INPP4B: variants seen among roughly 807,000 people sequenced by gnomAD.
INPP4B encodes the protein inositol polyphosphate-4-phosphatase type II B.
A neutral mutation model predicts 122.5 loss-of-function variants in INPP4B; 55 were observed. That is an observed-to-expected ratio of 0.45 (90% CI 0.36 to 0.56). The LOEUF (loss-of-function observed/expected upper bound fraction) is 0.56, where lower values mean the gene tolerates loss of function less well. Ranked by LOEUF, INPP4B falls within the 20% of genes least tolerant of loss-of-function variation. The pLI is 0.00. For synonymous variants in INPP4B, 403 were observed against 388.7 expected, an observed-to-expected ratio of 1.04 and a Z score of -0.43; for missense variants, 1,000 against 1,097.7, an observed-to-expected ratio of 0.91 and a Z score of 1.26.
chr4:142,384,976 C>T (rs1795467384), intron 7 of INPP4B, among the ~76,000 whole-genome samples: 1 of 152,128 alleles, frequency 6.6e-6, no homozygotes, highest in Admixed American at 6.6e-5. Flanking sequence ...TTCCATGATG[C>T]ATATGTACCT....
In INPP4B at chr4:142,725,894, T is replaced by C; in HGVS notation, c.-246A>G. 1 of 398,014 alleles carries C rather than the reference T, an allele frequency of 2.5e-6. No homozygotes were observed. The highest frequency in any genetic ancestry group is 4.4e-6 in the Non-Finnish European group (1 of 225,668). 24.7% of individuals were successfully genotyped at this position (398,014 alleles called of 1,614,324 possible). A position where few individuals can be genotyped will look rare whatever the true frequency, so the allele number is the denominator to read the frequency against. On this transcript the variant is annotated 5_prime_UTR_variant, in exon 2 of 26. Transcript: ENST00000262992. ...ACCTCTTGCCAGGTAACACCATTTC[T>C]TTGTATTCTACGGGAAAAGAGAAAG...
chr4:142,061,909 TA>T (rs1560980253), intron 25 of INPP4B, among the ~76,000 whole-genome samples: 5 of 3,766 alleles, frequency 1.3e-3, no homozygotes, highest in East Asian at 0.013. Context: ...TATATATATA[TA>T]TATATATATA....
chr4:142,634,772 C>G (rs1248707409), intron 2 of INPP4B, among the ~76,000 whole-genome samples: 1 of 151,944 alleles, frequency 6.6e-6, no homozygotes, highest in Non-Finnish European at 1.5e-5. Context: ...AATACAACCA[C>G]TATTACCATT....
chr4:142,676,421 T>C (rs1407195079), intron 2 of INPP4B, among the ~76,000 whole-genome samples: 1 of 152,138 alleles, frequency 6.6e-6, no homozygotes, highest in Non-Finnish European at 1.5e-5. Context: ...CTGCCCAAAG[T>C]AATTTATAGA....
chr4:142,030,124 A>T (rs1386453115), intron 25 of INPP4B: 1 of 1,529,676 alleles, frequency 6.5e-7, no homozygotes, highest in Non-Finnish European at 8.8e-7. Flanking sequence ...ATACAACATA[A>T]AACTTATTGG....
intron 2 of INPP4B, among the ~76,000 whole-genome samples, chr4:142,580,649 T>C (rs939050958): frequency 3.3e-5 from 5 of 152,026 alleles, no homozygotes; most frequent in Non-Finnish European, 7.4e-5. Context: ...AGACAAAATA[T>C]GTATTGAAAA....
At chr4:142,132,339 C>A (rs1193751807) in intron 18 of INPP4B, among the ~76,000 whole-genome samples, 1 of 151,948 alleles carries the variant, frequency 6.6e-6, no homozygotes, top group Non-Finnish European at 1.5e-5. Flanking sequence ...TGGAGCCAGA[C>A]CACCAGGGTT....
chr4:142,638,844 C>T (rs1007707484), intron 2 of INPP4B, among the ~76,000 whole-genome samples: 1 of 152,140 alleles, frequency 6.6e-6, no homozygotes, highest in Non-Finnish European at 1.5e-5. Flanking sequence ...CCATGCCCGG[C>T]CTAGTTGTCT....
chr4:142,068,696 A>G (rs1765147311), intron 25 of INPP4B, among the ~76,000 whole-genome samples: 1 of 152,216 alleles, frequency 6.6e-6, no homozygotes, highest in Admixed American at 6.5e-5. Context: ...TCTCTGATAA[A>G]ACAGCCTTTA....
intron 11 of INPP4B, among the ~76,000 whole-genome samples, chr4:142,249,895 C>T (rs770446161): frequency 3.3e-5 from 5 of 152,188 alleles, no homozygotes; most frequent in Non-Finnish European, 5.9e-5. Flanking sequence ...AGATTCACTT[C>T]CCCTACTCCC....
intron 15 of INPP4B, among the ~76,000 whole-genome samples, chr4:142,179,994 A>G (rs979906759): frequency 2.0e-5 from 3 of 152,142 alleles, no homozygotes; most frequent in South Asian, 2.1e-4. Context: ...GCTTCATCCT[A>G]GACCTTATGC....
At chr4:142,053,071 G>A (rs1207271378) in intron 25 of INPP4B, among the ~76,000 whole-genome samples, 2 of 152,058 alleles carry the variant, frequency 1.3e-5, no homozygotes, top group Admixed American at 1.3e-4. Flanking sequence ...CACCACAGAA[G>A]AGGTATTGTC....
chr4:142,422,056 C>T (rs920821733), intron 5 of INPP4B, among the ~76,000 whole-genome samples: 1 of 151,990 alleles, frequency 6.6e-6, no homozygotes, highest in Admixed American at 6.6e-5. Context: ...GAACGTAGAC[C>T]GTTGAGAATC....
intron 11 of INPP4B, among the ~76,000 whole-genome samples, chr4:142,242,439 G>A (rs1859895466): frequency 6.6e-6 from 1 of 152,200 alleles, no homozygotes; most frequent in Non-Finnish European, 1.5e-5. Flanking sequence ...GACAATTGGT[G>A]AATTTCATCT....
intron 12 of INPP4B, among the ~76,000 whole-genome samples, chr4:142,223,621 A>G (rs893846457): frequency 6.6e-6 from 1 of 152,200 alleles, no homozygotes; most frequent in Non-Finnish European, 1.5e-5. Context: ...AGGACCTCTC[A>G]TTAAGTGATA....
At chr4:142,370,935 C>T (rs1389106590) in intron 7 of INPP4B, among the ~76,000 whole-genome samples, 1 of 151,806 alleles carries the variant, frequency 6.6e-6, no homozygotes. Flanking sequence ...AAGATAAAAC[C>T]TAAAACTCAT....
chr4:142,464,603 T>C (rs1341206652), intron 2 of INPP4B, among the ~76,000 whole-genome samples: 1 of 136,294 alleles, frequency 7.3e-6, no homozygotes, highest in African/African-American at 3.1e-5. Flanking sequence ...GCTTTTAAGA[T>C]AACTGTTAAG....
intron 1 of INPP4B, among the ~76,000 whole-genome samples, chr4:142,817,477 G>A (rs1441416): frequency 0.047 from 7,214 of 152,078 alleles, 204 homozygotes; most frequent in Middle Eastern, 0.11. Context: ...TTGAACGTAC[G>A]GCTGCATCAG....
At chr4:142,305,110 T>C (rs1226029672) in intron 9 of INPP4B, among the ~76,000 whole-genome samples, 1 of 152,160 alleles carries the variant, frequency 6.6e-6, no homozygotes, top group Non-Finnish European at 1.5e-5. Flanking sequence ...ATCTGGAAAG[T>C]TATTTGATTA....
Sources: allele counts gnomAD v4.1 joint callset (sites outside exome capture counted in the v4.1 genomes callset), GRCh38; gene constraint gnomAD v4.1.1; transcripts MANE v1.5; gene names NCBI Gene and HGNC (gene_info 2026-07-23, HGNC 2026-07-21).